The following CD4 variants were observed in gnomAD, a reference collection of about 807,000 sequenced individuals.
CD4 encodes CD4 molecule.
In CD4, 25 loss-of-function variants were observed where a neutral mutation model predicts 50.5. That is an observed-to-expected ratio of 0.49 (90% confidence interval 0.36 to 0.69). The LOEUF (loss-of-function observed/expected upper bound fraction) is 0.69, where lower values mean the gene tolerates loss of function less well. CD4 is among the 30% of genes least tolerant of loss of function. CD4 has a pLI of 0.00. For synonymous variants in CD4, 207 were observed against 221.9 expected, an observed-to-expected ratio of 0.93 and a Z score of 0.60; for missense variants, 456 against 548.5, an observed-to-expected ratio of 0.83 and a Z score of 1.68.
rs1943194251 is a variant in CD4 at position 6,818,970 on chromosome 12, A to AGG, written c.1346+57_1346+58insGG. The AGG allele has an allele frequency of 6.5e-6, 4 of 613,086 alleles. No homozygotes were observed. Among genetic ancestry groups the AGG allele is most frequent in the East Asian group, 3.1e-5 (1 of 32,428 alleles). 38.0% of individuals were successfully genotyped at this position (613,086 alleles called of 1,614,324 possible). Reference sequence around the variant, plus strand: ...GGGAAAGGGGGAGGGGGAGGGAGTTAGAGAGGAGGGGGAGGAAGGGGAGCA... The same window carrying AGG: ...GGGAAAGGGGGAGGGGGAGGGAGTTAGGGAGAGGAGGGGGAGGAAGGGGAGCA... On this transcript the variant is annotated intron_variant, in intron 9 of 9. Transcript: ENST00000011653. This position sits in a 1 kb window ranked among gnomAD's most constrained non-coding sequence, Gnocchi z 5.0.
intron 5 of CD4, among the ~76,000 whole-genome samples, chr12:6,815,342 T>C (rs1325617161): frequency 6.6e-6 from 1 of 152,204 alleles, no homozygotes; most frequent in Non-Finnish European, 1.5e-5. Flanking sequence ...CAAATCCACT[T>C]ACTCAGGGAC....
intron 1 of CD4, among the ~76,000 whole-genome samples, chr12:6,790,551 G>A (rs1316424405): frequency 3.3e-5 from 5 of 152,214 alleles, no homozygotes; most frequent in Admixed American, 3.3e-4. Flanking sequence ...TTGGTGGTAG[G>A]GGTCTCATGA....
chr12:6,794,008 C>T lies in CD4; in HGVS notation c.-68+4346C>T, dbSNP rs937594993. Among the ~76,000 whole-genome samples, 22 of 67,486 alleles carry T rather than the reference C, an allele frequency of 3.3e-4. No individual in the cohort carries two copies. The East Asian group carries it at 4.5e-3, about 14-fold the overall frequency. The allele number at this position is 67,486 out of a possible 152,430, so 44.3% of individuals were successfully genotyped here. A position where few individuals can be genotyped will look rare whatever the true frequency, so the allele number is the denominator to read the frequency against. Reference sequence around the variant, plus strand: ...TATCTATCTATCTATCTATCTATCACCTATCTATCTAATCTATCTATATCT... The same window carrying T: ...TATCTATCTATCTATCTATCTATCATCTATCTATCTAATCTATCTATATCT... On this transcript the variant is annotated intron_variant, in intron 1 of 9. Transcript: ENST00000011653.
At position 6,818,521 on chromosome 12, in the gene CD4, T is replaced by A; in HGVS notation, c.1257T>A (p.Cys419Ter). 6.2e-7 allele frequency: 1 copy of A among 1,613,034 alleles called. No individual in the cohort carries two copies. The highest frequency in any genetic ancestry group is 2.2e-5 in the East Asian group (1 of 44,878). Residue 419 changes from cysteine (C) to a stop codon, truncating the protein, a stop_gained, in exon 8 of 10, where the codon TGT becomes TGA. Coordinates refer to ENST00000011653, the MANE Select transcript of CD4 (RefSeq NM_000616.5). LOFTEE classifies it high-confidence loss of function. This position sits in a 1 kb window ranked among gnomAD's most constrained non-coding sequence, Gnocchi z 5.0. ...LLFIGLGIFF[C>*]VRCRHRRRQA... ...TCATTGGGCTAGGCATCTTCTTCTG[T>A]GTCAGGTGCCGGCACCGAAGGGTGA...
rs782408626 is a variant in CD4 at position 6,817,245 on chromosome 12, G to A, written c.1071G>A (p.Ala357=). 23 of 1,609,204 alleles carry A rather than the reference G, an allele frequency of 1.4e-5. No individual in the cohort carries two copies. In the South Asian group the frequency reaches 2.3e-4, roughly 16 times the overall value. The change falls in exon 7 of 10, where the codon GCG becomes GCA. Residue 357 remains alanine (A), a synonymous_variant. Coordinates refer to ENST00000011653, the MANE Select transcript of CD4 (RefSeq NM_000616.5). ...KEAKVSKREK[A]VWVLNPEAGM... ...CAAAGGTCTCGAAGCGGGAGAAGGCGGTGTGGGTGCTGAACCCTGAGGCGG... is the reference window on the plus strand; with the variant it reads ...CAAAGGTCTCGAAGCGGGAGAAGGCAGTGTGGGTGCTGAACCCTGAGGCGG...
At chr12:6,808,892 TTGGGGGGGG>T (rs1345270964) in intron 3 of CD4, among the ~76,000 whole-genome samples, 1 of 152,202 alleles carries the variant, frequency 6.6e-6, no homozygotes, top group Non-Finnish European at 1.5e-5. Context: ...TTTAAAACTT[TTGGGGGGGG>T]CAATTTTATA....
At position 6,820,693 on chromosome 12, in the gene CD4, G is replaced by A. The variant is rs1288109363; in HGVS notation, c.*1364G>A. The A allele has an allele frequency of 6.6e-6, 1 of 152,312 alleles. No homozygotes were observed. The highest frequency in any genetic ancestry group is 2.4e-5 in the African/African-American group (1 of 41,382). The allele number at this position is 152,312 out of a possible 1,614,324, so 9.4% of individuals were successfully genotyped here. On this transcript the variant is annotated 3_prime_UTR_variant, in exon 10 of 10. Transcript: ENST00000011653. ...CTGTCTTTAAAGCCTGCCTCTTCCA[G>A]GAAGACCCCCCTATTGCTGCTGGGG...
chr12:6,796,393 T>C (rs1942377962), intron 1 of CD4, among the ~76,000 whole-genome samples: 1 of 152,164 alleles, frequency 6.6e-6, no homozygotes, highest in South Asian at 2.1e-4. Context: ...ACAGAGTAAG[T>C]CTGGAGGCAA....
At chr12:6,798,595 TA>T (rs1437185915) in intron 1 of CD4, among the ~76,000 whole-genome samples, 1 of 152,214 alleles carries the variant, frequency 6.6e-6, no homozygotes, top group Non-Finnish European at 1.5e-5. Context: ...CAATTTTTCT[TA>T]GTACAGATCA....
intron 3 of CD4, among the ~76,000 whole-genome samples, chr12:6,802,255 T>C (rs1381513248): frequency 6.6e-6 from 1 of 152,078 alleles, no homozygotes; most frequent in Non-Finnish European, 1.5e-5. Context: ...GAAAATCAAA[T>C]GCATGCATAC....
rs1357075726 is a variant in CD4 at position 6,820,476 on chromosome 12, G to C, written c.*1147G>C. On this transcript the variant is annotated 3_prime_UTR_variant, in exon 10 of 10. Transcript: ENST00000011653. ...TAGCCTGAGAGGGAACCCTCTAAGG[G>C]ACCTCAAAGGTGATTGTGCCAGGCT... The C allele has an allele frequency of 6.6e-6, 1 of 152,278 alleles. No homozygotes were observed. The highest frequency in any genetic ancestry group is 1.5e-5 in the Non-Finnish European group (1 of 68,096). 9.4% of individuals were successfully genotyped at this position (152,278 alleles called of 1,614,324 possible).
rs28917471 is a variant in CD4 at position 6,792,613 on chromosome 12, C to T, written c.-68+2951C>T. On this transcript the variant is annotated intron_variant, in intron 1 of 9. Transcript: ENST00000011653. The surrounding 1 kb of genome is among the most constrained non-coding windows in gnomAD (Gnocchi z 4.1). The stretch of plus-strand genomic sequence containing the variant: ...ATTTCCCTTTGTCCATGTGTCCCTC[C>T]CACCCTGCAGCCGGCTCCCTCACAT... 2.5e-3 allele frequency among the ~76,000 whole-genome samples: 378 copies of T among 152,262 alleles called. 3 individuals are homozygous for T. Among genetic ancestry groups the T allele is most frequent in the African/African-American group, 8.9e-3 (369 of 41,548 alleles).
intron 1 of CD4, among the ~76,000 whole-genome samples, chr12:6,794,505 G>A (rs1455767367): frequency 2.6e-5 from 4 of 151,536 alleles, no homozygotes; most frequent in Admixed American, 2.6e-4. Context: ...CCAAGTAGCT[G>A]AGATTACAGA....
chr12:6,818,439 C>T lies in CD4; in HGVS notation c.1175C>T (p.Thr392Ile), dbSNP rs782403764. ...CTTGCAGTTCTGCCCACATGGTCCA[C>T]CCCGGTGCAGCCAATGGCCCTGATT... Reference protein sequence around the residue: ...SNIKVLPTWSTPVQPMALIVL... With the variant: ...SNIKVLPTWSIPVQPMALIVL... The change falls in exon 8 of 10, where the codon ACC (threonine) becomes ATC (isoleucine). Residue 392 changes from threonine to isoleucine, a missense_variant. Coordinates refer to ENST00000011653, the MANE Select transcript of CD4 (RefSeq NM_000616.5). This position sits in a 1 kb window ranked among gnomAD's most constrained non-coding sequence, Gnocchi z 5.0. 2.5e-6 allele frequency: 4 copies of T among 1,612,694 alleles called. No homozygotes were observed. The highest frequency in any genetic ancestry group is 3.4e-6 in the Non-Finnish European group (4 of 1,179,988).
rs1453031096 is a variant in CD4, at chr12:6,815,713, C to T, written c.608-343C>T. ...ACAGAGTAAGCCCTAGTTAAGTGTTCGCTGTTATTTTGTGAAGGGTGATGA... is the reference window on the plus strand; with the variant it reads ...ACAGAGTAAGCCCTAGTTAAGTGTTTGCTGTTATTTTGTGAAGGGTGATGA... On this transcript the variant is annotated intron_variant, in intron 5 of 9. Coordinates refer to ENST00000011653, the MANE Select transcript of CD4 (RefSeq NM_000616.5). The T allele has an allele frequency of 9.8e-6, 13 of 1,328,380 alleles. No individual in the cohort carries two copies. The East Asian group carries it at 1.5e-4, about 15-fold the overall frequency. The allele number at this position is 1,328,380 out of a possible 1,614,324, so 82.3% of individuals were successfully genotyped here. A position where few individuals can be genotyped will look rare whatever the true frequency, so the allele number is the denominator to read the frequency against.
chr12:6,808,450 CAAAAAAA>C (rs3032789), intron 3 of CD4, among the ~76,000 whole-genome samples: 54 of 37,792 alleles, frequency 1.4e-3, no homozygotes, highest in Non-Finnish European at 2.9e-3. Context: ...GATTCTGTCT[CAAAAAAA>C]AAAAAAAAAA....
intron 3 of CD4, among the ~76,000 whole-genome samples, chr12:6,804,265 G>A (rs782754393): frequency 6.6e-6 from 1 of 152,140 alleles, no homozygotes; most frequent in East Asian, 1.9e-4. Context: ...CTCCCTAAGT[G>A]CAGGAATAAG....
rs539055231 is a variant in CD4, at chr12:6,804,734, T to C, written c.214+4263T>C. Among the ~76,000 whole-genome samples the C allele has an allele frequency of 1.7e-3, 257 of 152,014 alleles. 4 individuals carry two copies. Among genetic ancestry groups the C allele is most frequent in the Admixed American group, 0.015 (235 of 15,254 alleles). On this transcript the variant is annotated intron_variant, in intron 3 of 9. Coordinates refer to ENST00000011653, the MANE Select transcript of CD4 (RefSeq NM_000616.5). ...CAAAAAGTAAAAAATTAGCTGAGCA[T>C]GGCCGGGTGCAGTGGCTCACTCCTG...
At chr12:6,804,238 G>A (rs775463924) in intron 3 of CD4, among the ~76,000 whole-genome samples, 1 of 152,062 alleles carries the variant, frequency 6.6e-6, no homozygotes, top group African/African-American at 2.4e-5. Flanking sequence ...ATTTAATGGT[G>A]AAAAACTGAA....
Sources: gnomAD v4.1 joint callset for allele counts (sites outside exome capture counted in the v4.1 genomes callset) on GRCh38, gnomAD v4.1.1 for gene constraint, Gnocchi (gnomAD v3.1) non-coding constraint, MANE v1.5 for transcripts, NCBI Gene and HGNC (gene_info 2026-07-23, HGNC 2026-07-21) for gene names.